Variants in RABL2B observed in about 807,000 individuals in gnomAD.
RABL2B encodes the protein RAB, member of RAS oncogene family like 2B.
In RABL2B, 17 loss-of-function variants were observed where a neutral mutation model predicts 26.7. The ratio of observed to expected loss-of-function variants is 0.64; its 90% CI spans 0.44 to 0.95. The LOEUF (loss-of-function observed/expected upper bound fraction) is 0.95, where lower values mean the gene tolerates loss of function less well. Among genes scored for constraint, RABL2B ranks in the 40% least tolerant of loss-of-function variants. The probability of loss-of-function intolerance (pLI) is 0.00; values close to 1 mark genes in which losing one functional copy is unlikely to be tolerated. For missense variants in RABL2B, 170 were observed against 277.2 expected, an observed-to-expected ratio of 0.61 and a Z score of 2.75; for synonymous variants, 70 against 103.9, an observed-to-expected ratio of 0.67 and a Z score of 1.99.
intron 5 of RABL2B, chr22:50,772,507 T>G (rs1373972644): frequency 1.4e-5 from 14 of 990,472 alleles, no homozygotes; most frequent in Non-Finnish European, 2.4e-6. Flanking sequence ...GGATTAAAGT[T>G]ACAGACAACC....
chr22:50,769,683 A>T (rs1555916821), intron 6 of RABL2B, 131 bp from the exon 7 acceptor site: 1 of 1,484,184 alleles, frequency 6.7e-7, no homozygotes, highest in Middle Eastern at 1.8e-4. Context: ...GGTCCTAGAA[A>T]GAGCTCAGTT....
chr22:50,774,505 A>AGT lies in RABL2B; in HGVS notation c.297+1265_297+1266dup, dbSNP rs547787361. On this transcript the variant is annotated intron_variant, in intron 5 of 8. Transcript: ENST00000691320. ...CCTGCTGGTGGTCCAGCCAAGTACCAGTGTGTGTGTGTGGGGAGATGCCCC... is the reference window on the plus strand; with the variant it reads ...CCTGCTGGTGGTCCAGCCAAGTACCAGTGTGTGTGTGTGTGGGGAGATGCCCC... Among the ~76,000 whole-genome samples, 156 of 141,270 alleles carry AGT rather than the reference A, an allele frequency of 1.1e-3. 5 individuals carry two copies. The highest frequency in any genetic ancestry group is 6.9e-3 in the Middle Eastern group (2 of 288). The allele number at this position is 141,270 out of a possible 152,430, so 92.7% of individuals were successfully genotyped here. A position where few individuals can be genotyped will look rare whatever the true frequency, so the allele number is the denominator to read the frequency against.
At chr22:50,773,163 G>A in intron 5 of RABL2B, 1 of 1,256,656 alleles carries the variant, frequency 8.0e-7, no homozygotes, top group Non-Finnish European at 1.0e-6. Context: ...CTGTAGGCCT[G>A]AAACCAAACT....
intron 4 of RABL2B, among the ~76,000 whole-genome samples, chr22:50,776,119 G>A (rs1430416914): frequency 2.0e-5 from 3 of 152,112 alleles, no homozygotes; most frequent in Non-Finnish European, 4.4e-5. Context: ...AGCCCAAGGA[G>A]GGAGAAGACA....
intron 2 of RABL2B, chr22:50,780,628 CT>C (rs1234953555): frequency 2.1e-6 from 1 of 467,676 alleles, no homozygotes; most frequent in African/African-American, 2.0e-5. Flanking sequence ...CTCAGATGCA[CT>C]GTTTCCACCA....
chr22:50,779,271 C>T (rs1179605182), intron 2 of RABL2B, among the ~76,000 whole-genome samples: 6 of 151,736 alleles, frequency 4.0e-5, no homozygotes, highest in Middle Eastern at 3.4e-3. Flanking sequence ...TAGCAGAGAA[C>T]CAGCTCGGCA....
intron 2 of RABL2B, 34 bp from the exon 3 acceptor site, chr22:50,778,015 G>T (rs187017196): frequency 6.2e-7 from 1 of 1,613,884 alleles, no homozygotes; most frequent in Admixed American, 1.7e-5. Flanking sequence ...GTCAGATGGC[G>T]TCTCCATCTC....
At chr22:50,775,375 C>T (rs1385946065) in intron 5 of RABL2B, among the ~76,000 whole-genome samples, 15 of 152,080 alleles carry the variant, frequency 9.9e-5, no homozygotes, top group Non-Finnish European at 1.5e-4. Flanking sequence ...CTCTGGGACC[C>T]GCAGCATCTA....
intron 1 of RABL2B, among the ~76,000 whole-genome samples, chr22:50,782,614 G>A (rs1469529853): frequency 6.6e-6 from 1 of 151,906 alleles, no homozygotes; most frequent in African/African-American, 2.4e-5. Flanking sequence ...GCCAAAGGCT[G>A]TGTGCAACAT....
intron 3 of RABL2B, among the ~76,000 whole-genome samples, chr22:50,777,186 A>G (rs561679657): frequency 6.6e-6 from 1 of 152,314 alleles, no homozygotes; most frequent in Admixed American, 6.5e-5. Flanking sequence ...GCTGTCAATC[A>G]ATTTGGAGTC....
intron 5 of RABL2B, 70 bp downstream of exon 5, chr22:50,775,702 G>C (rs1232854394): frequency 6.5e-7 from 1 of 1,532,402 alleles, no homozygotes; most frequent in African/African-American, 1.4e-5. Flanking sequence ...AGGGCCCAGG[G>C]CTGCTAGGCC....
At chr22:50,775,331 G>C (rs141103268) in intron 5 of RABL2B, among the ~76,000 whole-genome samples, 13,889 of 152,122 alleles carry the variant, frequency 0.091, 728 homozygotes, top group African/African-American at 0.15. Flanking sequence ...GGAGGCTCGG[G>C]GGGAGGCGAG....
rs556125471 is a variant in RABL2B, at chr22:50,768,349, G to A, written c.*427C>T. 4.1e-6 allele frequency: 1 copy of A among 246,480 alleles called. No individual in the cohort carries two copies. The highest frequency in any genetic ancestry group is 2.5e-5 in the African/African-American group (1 of 39,682). 15.3% of individuals were successfully genotyped at this position (246,480 alleles called of 1,614,324 possible). ...CCTCACAGACTCAGCTGTGGGTGGG[G>A]GGGTAAATCATTACCTCAGGAGAAG... On this transcript the variant is annotated 3_prime_UTR_variant, in exon 9 of 9. Transcript: ENST00000691320.
chr22:50,777,304 G>C (rs551545617), intron 3 of RABL2B, among the ~76,000 whole-genome samples: 1 of 152,076 alleles, frequency 6.6e-6, no homozygotes, highest in Non-Finnish European at 1.5e-5. Context: ...TGACGCAGGT[G>C]GGCTGGGTGT....
rs534014479 is a variant in RABL2B at position 50,772,869 on chromosome 22, G to A, written c.298-2853C>T. 3.0e-5 allele frequency: 36 copies of A among 1,191,854 alleles called. 1 individual carries two copies. In the South Asian group the frequency reaches 5.4e-4, roughly 18 times the overall value. 73.8% of individuals were successfully genotyped at this position (1,191,854 alleles called of 1,614,324 possible). On this transcript the variant is annotated intron_variant, in intron 5 of 8. Transcript: ENST00000691320. The stretch of plus-strand genomic sequence containing the variant: ...GAGCTGAGGAGGAGCTGGCTAGAAT[G>A]AGGAGCATCCCCATCTCAAGGTTTC...
At chr22:50,780,340 T>C (rs1555927621) in intron 2 of RABL2B, among the ~76,000 whole-genome samples, 2 of 151,386 alleles carry the variant, frequency 1.3e-5, no homozygotes, top group Non-Finnish European at 2.9e-5. Flanking sequence ...CATTGCTCTC[T>C]AGAAATGAGG....
chr22:50,769,305 C>T lies in RABL2B; in HGVS notation c.507+150G>A, dbSNP rs549827645. On this transcript the variant is annotated intron_variant, in intron 7 of 8. Transcript: ENST00000691320. ...CAATGGACTTCTGCCTCATCAAGTCCAGGCCCATCAGCTCCTCCCCTCCCT... is the reference window on the plus strand; with the variant it reads ...CAATGGACTTCTGCCTCATCAAGTCTAGGCCCATCAGCTCCTCCCCTCCCT... 321 of 1,529,596 alleles carry T rather than the reference C, an allele frequency of 2.1e-4. 1 individual carries two copies. The South Asian group carries it at 3.6e-3, about 17-fold the overall frequency. 94.8% of individuals were successfully genotyped at this position (1,529,596 alleles called of 1,614,324 possible). A position where few individuals can be genotyped will look rare whatever the true frequency, so the allele number is the denominator to read the frequency against.
chr22:50,780,317 C>A (rs1264542679), intron 2 of RABL2B, among the ~76,000 whole-genome samples: 1 of 151,826 alleles, frequency 6.6e-6, no homozygotes, highest in South Asian at 2.1e-4. Flanking sequence ...GCAAGAAGGC[C>A]GCACTGCCAC....
rs2146888555 is a variant in RABL2B, at chr22:50,767,759, G to A, written c.*1017C>T. ...TGCTGAAATAGGAACTTTAAAGGAA[G>A]CTCTTCTTGTAGTCCAAATGGACGT... is the stretch of plus-strand genomic sequence containing the variant. On this transcript the variant is annotated 3_prime_UTR_variant, in exon 9 of 9. Transcript: ENST00000691320. 8 of 454,640 alleles carry A rather than the reference G, an allele frequency of 1.8e-5. No individual in the cohort carries two copies. Among genetic ancestry groups the A allele is most frequent in the South Asian group, 1.1e-4 (7 of 64,202 alleles). 28.2% of individuals were successfully genotyped at this position (454,640 alleles called of 1,614,324 possible). A position where few individuals can be genotyped will look rare whatever the true frequency, so the allele number is the denominator to read the frequency against.
Sources: allele counts gnomAD v4.1 joint callset (sites outside exome capture counted in the v4.1 genomes callset), GRCh38; gene constraint gnomAD v4.1.1; transcripts MANE v1.5; gene names NCBI Gene and HGNC (gene_info 2026-07-23, HGNC 2026-07-21).